Variants in ACER2 observed in about 807,000 individuals in gnomAD.
The protein encoded by ACER2 is alkCDase 2.
A neutral mutation model predicts 34.7 loss-of-function variants in ACER2; 26 were observed. The ratio of observed to expected loss-of-function variants is 0.75; its 90% CI spans 0.55 to 1.04. The LOEUF (loss-of-function observed/expected upper bound fraction) is 1.04. Ranked by LOEUF, ACER2 falls within the 50% of genes least tolerant of loss-of-function variation. The pLI is 0.00. For missense variants in ACER2, 352 were observed against 340.8 expected (o/e 1.03, Z -0.26); for synonymous variants, 138 against 132.1 (o/e 1.04, Z -0.31).
At chr9:19,415,435 C>T (rs981661232) in intron 1 of ACER2, among the ~76,000 whole-genome samples, 9 of 152,058 alleles carry the variant, frequency 5.9e-5, no homozygotes, top group African/African-American at 2.2e-4. Flanking sequence ...GCGGAGGTTG[C>T]AGTTAGCCAA....
At position 19,424,023 on chromosome 9, in the gene ACER2, G is replaced by A. The variant is rs768131145; in HGVS notation, c.223+47G>A. On this transcript the variant is annotated intron_variant, in intron 2 of 5. Coordinates refer to ENST00000340967, the MANE Select transcript of ACER2 (RefSeq NM_001010887.3). Reference sequence around the variant, plus strand: ...CACGGACTTAATGGGGTGGTGGGATGGGGGTAGAAGGAATTCCACACACTT... The same window carrying A: ...CACGGACTTAATGGGGTGGTGGGATAGGGGTAGAAGGAATTCCACACACTT... The A allele has an allele frequency of 8.7e-6, 12 of 1,385,520 alleles. No homozygotes were observed. The South Asian group carries it at 1.4e-4, about 16-fold the overall frequency. 85.8% of individuals were successfully genotyped at this position (1,385,520 alleles called of 1,614,324 possible). A position where few individuals can be genotyped will look rare whatever the true frequency, so the allele number is the denominator to read the frequency against.
intron 4 of ACER2, among the ~76,000 whole-genome samples, chr9:19,441,521 C>T (rs774823677): frequency 3.3e-5 from 5 of 152,164 alleles, no homozygotes; most frequent in Non-Finnish European, 5.9e-5. Flanking sequence ...ACCTGCCAGC[C>T]CCAGCCCCTT....
intron 3 of ACER2, among the ~76,000 whole-genome samples, chr9:19,430,592 T>C (rs985143023): frequency 1.3e-5 from 2 of 152,256 alleles, no homozygotes; most frequent in Middle Eastern, 3.4e-3. Context: ...GATGTCCTTG[T>C]TGGCCAGCAC....
At chr9:19,427,136 TAA>T (rs1487984791) in intron 3 of ACER2, among the ~76,000 whole-genome samples, 1 of 152,208 alleles carries the variant, frequency 6.6e-6, no homozygotes, top group Non-Finnish European at 1.5e-5. Context: ...TCCCTATCTG[TAA>T]AATTAGGTAA....
At chr9:19,447,546 A>G (rs1563893497) in intron 5 of ACER2, among the ~76,000 whole-genome samples, 1 of 152,202 alleles carries the variant, frequency 6.6e-6, no homozygotes, top group Non-Finnish European at 1.5e-5. Flanking sequence ...TATAGTTTAT[A>G]TATTTGTTGG....
chr9:19,430,380 G>A (rs914209610), intron 3 of ACER2, among the ~76,000 whole-genome samples: 6 of 152,152 alleles, frequency 3.9e-5, no homozygotes, highest in Admixed American at 2.0e-4. Flanking sequence ...ACCCTAATGG[G>A]CTGGAAAGTT....
At chr9:19,426,533 AT>A (rs1433048990) in intron 3 of ACER2, among the ~76,000 whole-genome samples, 1 of 151,756 alleles carries the variant, frequency 6.6e-6, no homozygotes, top group Non-Finnish European at 1.5e-5. Context: ...CAGATATCTT[AT>A]TTTTCAAGTC....
At position 19,451,281 on chromosome 9, in the gene ACER2, A is replaced by T. The variant is rs551803665; in HGVS notation, c.*645A>T. On this transcript the variant is annotated 3_prime_UTR_variant, in exon 6 of 6. Transcript: ENST00000340967. ...ACAGACAGACCCTCTGAGAGACAAG[A>T]CCCTCTGACTCTGTGATGGAAGATG... 6.6e-6 allele frequency: 1 copy of T among 152,592 alleles called. No individual in the cohort carries two copies. Among genetic ancestry groups the T allele is most frequent in the South Asian group, 2.1e-4 (1 of 4,816 alleles). The allele number at this position is 152,592 out of a possible 1,614,324, so 9.5% of individuals were successfully genotyped here.
intron 3 of ACER2, among the ~76,000 whole-genome samples, chr9:19,427,462 A>T (rs946562647): frequency 6.6e-6 from 1 of 152,220 alleles, no homozygotes; most frequent in African/African-American, 2.4e-5. Context: ...TTCACTCCCC[A>T]TGACACGGGA....
chr9:19,449,203 C>T (rs570868683), intron 5 of ACER2, among the ~76,000 whole-genome samples: 74 of 152,296 alleles, frequency 4.9e-4, no homozygotes, highest in African/African-American at 1.3e-3. Flanking sequence ...TTACTAGCTA[C>T]GTAACTATGT....
chr9:19,409,734 A>T (rs1307017307), intron 1 of ACER2: 2 of 984,952 alleles, frequency 2.0e-6, no homozygotes, highest in African/African-American at 1.7e-5. Flanking sequence ...TTTGGTCAGA[A>T]TCAAGTTAAT....
chr9:19,443,458 G>A (rs1831226631), intron 4 of ACER2, among the ~76,000 whole-genome samples: 1 of 152,094 alleles, frequency 6.6e-6, no homozygotes, highest in Non-Finnish European at 1.5e-5. Flanking sequence ...GAGCCACCGT[G>A]CCTGGCCAAT....
chr9:19,421,960 C>G (rs902366894), intron 1 of ACER2, among the ~76,000 whole-genome samples: 7 of 152,068 alleles, frequency 4.6e-5, no homozygotes, highest in Non-Finnish European at 8.8e-5. Flanking sequence ...GAAATTTACA[C>G]TGATCTTCAA....
chr9:19,415,396 G>A (rs957445862), intron 1 of ACER2, among the ~76,000 whole-genome samples: 1 of 152,046 alleles, frequency 6.6e-6, no homozygotes, highest in African/African-American at 2.4e-5. Context: ...AGGAGAGGCT[G>A]AATCAGGAGA....
intron 3 of ACER2, among the ~76,000 whole-genome samples, chr9:19,432,771 A>G (rs1830798914): frequency 6.7e-6 from 1 of 148,940 alleles, no homozygotes; most frequent in African/African-American, 2.4e-5. Flanking sequence ...ATATACATAT[A>G]TAAAATTTAT....
At chr9:19,448,882 C>G (rs1459473745) in intron 5 of ACER2, among the ~76,000 whole-genome samples, 1 of 152,122 alleles carries the variant, frequency 6.6e-6, no homozygotes. Flanking sequence ...GGCTCACGCC[C>G]GTAATCTCAG....
chr9:19,446,680 A>T (rs948377497), intron 5 of ACER2: 1 of 966,778 alleles, frequency 1.0e-6, no homozygotes, highest in Admixed American at 6.2e-5. Context: ...TAACTCCATT[A>T]TTAAAGCCTA....
At chr9:19,416,094 T>C (rs769410292) in intron 1 of ACER2, among the ~76,000 whole-genome samples, 6 of 151,380 alleles carry the variant, frequency 4.0e-5, no homozygotes, top group Non-Finnish European at 7.4e-5. Flanking sequence ...CATTCATGTA[T>C]ATGAAGGGAG....
At chr9:19,444,683 GAGA>G (rs1831292451) in intron 4 of ACER2, among the ~76,000 whole-genome samples, 3 of 152,218 alleles carry the variant, frequency 2.0e-5, no homozygotes, top group Admixed American at 1.3e-4. Flanking sequence ...GAGCCCTGGA[GAGA>G]AGGAGAGGGT....
Sources: allele counts gnomAD v4.1 joint callset (sites outside exome capture counted in the v4.1 genomes callset), GRCh38; gene constraint gnomAD v4.1.1; transcripts MANE v1.5; gene names NCBI Gene and HGNC (gene_info 2026-07-23, HGNC 2026-07-21).